SPATA20: variants seen among roughly 807,000 people sequenced by gnomAD.
The protein encoded by SPATA20 is spermatogenesis-associated protein 20.
Under a neutral mutation model 98.9 loss-of-function variants are expected in SPATA20, and 74 were observed. The observed-to-expected ratio is 0.75, with a 90% confidence interval of 0.62 to 0.91. The LOEUF (loss-of-function observed/expected upper bound fraction) is 0.91. Ranked by LOEUF, SPATA20 falls within the 40% of genes least tolerant of loss-of-function variation. The pLI, the probability that SPATA20 is intolerant of heterozygous loss-of-function variation, is 0.00. For synonymous variants in SPATA20, 430 were observed against 440.5 expected (o/e 0.98, Z 0.30); for missense variants, 1,016 against 1,069.8 (o/e 0.95, Z 0.70).
In SPATA20 at chr17:50,549,911, A is replaced by G; in HGVS notation, c.863-74A>G. 5.4e-6 allele frequency: 8 copies of G among 1,491,470 alleles called. No individual in the cohort carries two copies. The South Asian group carries it at 8.1e-5, about 15-fold the overall frequency. 92.4% of individuals were successfully genotyped at this position (1,491,470 alleles called of 1,614,324 possible). ...GAACTCCCAGCCTCTGCCTGGCCCA[A>G]GGCCTCCTGACCACCCCGATCTCTG... On this transcript the variant is annotated intron_variant, in intron 7 of 16. Transcript: ENST00000006658.
rs1478760102 is a variant in SPATA20, at chr17:50,555,549, C to T, written c.2296C>T (p.Leu766=). 1 of 1,614,104 alleles carries T rather than the reference C, an allele frequency of 6.2e-7. No individual in the cohort carries two copies. Among genetic ancestry groups the T allele is most frequent in the Non-Finnish European group, 8.5e-7 (1 of 1,179,996 alleles). Residue 766 remains leucine (L), a synonymous_variant, in exon 17 of 17, where the codon CTG becomes TTG. Coordinates refer to ENST00000006658, the MANE Select transcript of SPATA20 (RefSeq NM_022827.4). The stretch of plus-strand genomic sequence containing the variant: ...CTTCCTGTCCCGCCAGCTGCCTTTC[C>T]TGAGTACCCTCCGACGGTTGGAAGA... ...SSFLSRQLPF[L]STLRRLEDQA...
At chr17:50,548,737 A>G in intron 4 of SPATA20, 73 bp from the exon 5 acceptor site, 1 of 1,592,526 alleles carries the variant, frequency 6.3e-7, no homozygotes, top group South Asian at 1.1e-5. Context: ...TCTTCCATGT[A>G]GCCAGGGCCA....
chr17:50,554,881 T>C (rs1597874555), intron 15 of SPATA20, among the ~76,000 whole-genome samples: 1 of 144,218 alleles, frequency 6.9e-6, no homozygotes, highest in Admixed American at 6.9e-5. Flanking sequence ...TGTGTGGGCA[T>C]CTACTGTGTG....
chr17:50,550,151 G>C (rs761446592), intron 8 of SPATA20, 36 bp downstream of exon 8: 2 of 1,612,408 alleles, frequency 1.2e-6, no homozygotes, highest in South Asian at 2.2e-5. Flanking sequence ...AGGGGCAGCA[G>C]GGGGCTGTGG....
intron 6 of SPATA20, 46 bp from the exon 7 acceptor site, chr17:50,549,240 G>T (rs1567909263): frequency 6.3e-7 from 1 of 1,598,892 alleles, no homozygotes; most frequent in Admixed American, 1.7e-5. Flanking sequence ...GGAAACAAGA[G>T]CCCCTCCCCC....
At position 50,555,635 on chromosome 17, in the gene SPATA20, C is replaced by G; in HGVS notation, c.2382C>G (p.Cys794Trp). 1 of 1,613,956 alleles carries G rather than the reference C, an allele frequency of 6.2e-7. No individual in the cohort carries two copies. The highest frequency in any genetic ancestry group is 1.1e-5 in the South Asian group (1 of 91,070). Residue 794 changes from cysteine (C) to tryptophan (W), a missense_variant, in exon 17 of 17, where the codon TGC (cysteine) becomes TGG (tryptophan). By Grantham distance (215) the Cys-to-Trp change is radical. Transcript: ENST00000006658. ...QACSVPITDPCELRKLLHP is the reference protein window; with the variant it reads ...QACSVPITDPWELRKLLHP ...GCTCAGTGCCCATCACTGATCCCTG[C>G]GAATTACGAAAACTACTACATCCAT...
rs555260717 is a variant in SPATA20, at chr17:50,551,319, C to T, written c.1576+129C>T. 7 of 1,192,426 alleles carry T rather than the reference C, an allele frequency of 5.9e-6. No homozygotes were observed. The African/African-American group carries it at 7.7e-5, about 13-fold the overall frequency. The allele number at this position is 1,192,426 out of a possible 1,614,324, so 73.9% of individuals were successfully genotyped here. ...TATTATTCTCAGTTGACAAAAGAGG[C>T]TTAAGGAGCTTGAGTAACCCGCCCA... is the stretch of plus-strand genomic sequence containing the variant. On this transcript the variant is annotated intron_variant, in intron 12 of 16. Coordinates refer to ENST00000006658, the MANE Select transcript of SPATA20 (RefSeq NM_022827.4).
At position 50,555,324 on chromosome 17, in the gene SPATA20, T is replaced by C; in HGVS notation, c.2238+12T>C. 1 of 1,613,214 alleles carries C rather than the reference T, an allele frequency of 6.2e-7. No individual in the cohort carries two copies. Among genetic ancestry groups the C allele is most frequent in the African/African-American group, 1.3e-5 (1 of 74,986 alleles). On this transcript the variant is annotated intron_variant, in intron 16 of 16. Coordinates refer to ENST00000006658, the MANE Select transcript of SPATA20 (RefSeq NM_022827.4). ...ACATTCCTAACAAGGTACCCATCCC[T>C]GTGAGCCCAATCTGCCACCTCCCCA...
chr17:50,555,381 C>T, intron 16 of SPATA20, 69 bp downstream of exon 16: 2 of 1,595,886 alleles, frequency 1.3e-6, no homozygotes, highest in East Asian at 2.2e-5. Flanking sequence ...AGCTCCTCAA[C>T]ATCTCCTTCC....
chr17:50,549,845 ACTCT>A, intron 7 of SPATA20, 136 bp from the exon 8 acceptor site: 1 of 931,584 alleles, frequency 1.1e-6, no homozygotes, highest in South Asian at 1.7e-5. Context: ...CTGTGGGTTG[ACTCT>A]TGACCTCACA....
intron 3 of SPATA20, 42 bp from the exon 4 acceptor site, chr17:50,548,511 AC>A (rs762530097): frequency 1.2e-6 from 2 of 1,612,986 alleles, no homozygotes; most frequent in South Asian, 2.2e-5. Context: ...CCCCTCCCAG[AC>A]CCCCTGGGCT....
intron 1 of SPATA20, 21 bp from the exon 2 acceptor site, chr17:50,547,699 C>T (rs756582743): frequency 1.3e-6 from 1 of 781,058 alleles, no homozygotes; most frequent in Non-Finnish European, 2.4e-6. Context: ...GCTGAACTCC[C>T]TGAGGTCTCT....
chr17:50,548,688 C>T (rs1014460983), intron 4 of SPATA20, 70 bp downstream of exon 4: 21 of 1,589,010 alleles, frequency 1.3e-5, no homozygotes, highest in South Asian at 7.9e-5. Context: ...AGGGTCCTCT[C>T]GGCCTGGCGG....
chr17:50,551,583 A>T lies in SPATA20; in HGVS notation c.1649A>T (p.Asn550Ile). 1 of 1,607,772 alleles carries T rather than the reference A, an allele frequency of 6.2e-7. No individual in the cohort carries two copies. The highest frequency in any genetic ancestry group is 8.5e-7 in the Non-Finnish European group (1 of 1,174,942). ...GQDRLINYAT[N>I]GAKFLKRHMF... is the part of the protein sequence containing the mutation. ...GACAGGCTGATCAACTATGCCACCAATGGTGCCAAGTTCCTGAAGCGGCAC... is the reference window on the plus strand; with the variant it reads ...GACAGGCTGATCAACTATGCCACCATTGGTGCCAAGTTCCTGAAGCGGCAC... Residue 550 changes from asparagine to isoleucine, a missense_variant, in exon 13 of 17, where the codon AAT becomes ATT. By Grantham distance (149) the Asn-to-Ile change is moderately radical (BLOSUM62 -3). Transcript: ENST00000006658.
At chr17:50,554,563 GTGTGTGTGCA>G in intron 15 of SPATA20, 113 bp downstream of exon 15, 1 of 1,112,946 alleles carries the variant, frequency 9.0e-7, no homozygotes, top group Non-Finnish European at 1.3e-6. Context: ...GCTCAGGTCT[GTGTGTGTGCA>G]GGCACGTGGC....
At chr17:50,547,409 C>T in intron 1 of SPATA20, 124 bp downstream of exon 1, 2 of 825,042 alleles carry the variant, frequency 2.4e-6, no homozygotes, top group Non-Finnish European at 3.7e-6. Flanking sequence ...GGCCCTTCCC[C>T]CACCCCACCT....
Position 50,552,176 on chromosome 17 carries a change from G to A in SPATA20, c.1953G>A (p.Lys651=). The A allele has an allele frequency of 6.2e-7, 1 of 1,613,508 alleles. No homozygotes were observed. Among genetic ancestry groups the A allele is most frequent in the Non-Finnish European group, 8.5e-7 (1 of 1,179,934 alleles). ...ELGAGLPLRL[K]DDQDGAEPSA... is the part of the protein sequence containing the mutation. Reference sequence around the variant, plus strand: ...GGGCTGGCCTGCCCCTGCGTCTGAAGGACGGTCAGTGGGGGTGCAGGGCTA... The same window carrying A: ...GGGCTGGCCTGCCCCTGCGTCTGAAAGACGGTCAGTGGGGGTGCAGGGCTA... The change falls in exon 14 of 17, where the codon AAG becomes AAA. Residue 651 remains lysine (K), a synonymous_variant. Transcript: ENST00000006658.
At chr17:50,553,818 C>A (rs2035052708) in intron 14 of SPATA20, among the ~76,000 whole-genome samples, 1 of 152,118 alleles carries the variant, frequency 6.6e-6, no homozygotes. Context: ...TCCAGGCAGG[C>A]ATTGGTGAAG....
chr17:50,551,778 C>G, intron 13 of SPATA20, 99 bp downstream of exon 13: 1 of 1,362,340 alleles, frequency 7.3e-7, no homozygotes, highest in Non-Finnish European at 9.9e-7. Context: ...AGTCCTGGCT[C>G]TGCCAGGTGC....
Sources: allele counts gnomAD v4.1 joint callset (sites outside exome capture counted in the v4.1 genomes callset), GRCh38; gene constraint gnomAD v4.1.1; transcripts MANE v1.5; gene names NCBI Gene and HGNC (gene_info 2026-07-23, HGNC 2026-07-21).